The following CCPG1 variants were observed in gnomAD, a reference collection of about 807,000 sequenced individuals.
CCPG1 encodes the protein cell cycle progression 1, also known as cell cycle progression protein 1.
CCPG1 carries 46 observed loss-of-function variants against 81.3 expected under a neutral mutation model. That is an observed-to-expected ratio of 0.57 (90% CI 0.45 to 0.72). The LOEUF (loss-of-function observed/expected upper bound fraction) is 0.72. CCPG1 is among the 30% of genes least tolerant of loss of function. The pLI is 0.00. For missense variants in CCPG1, 902 were observed against 937.6 expected (o/e 0.96, Z 0.50); for synonymous variants, 330 against 305.2 (o/e 1.08, Z -0.85).
intron 5 of CCPG1, chr15:55,374,030 G>T: frequency 2.6e-6 from 1 of 381,666 alleles, no homozygotes; most frequent in Non-Finnish European, 4.6e-6. Flanking sequence ...TCCTTTACAA[G>T]AGATTCTGAA....
At chr15:55,394,849 G>A (rs146629453) in intron 1 of CCPG1, among the ~76,000 whole-genome samples, 2 of 151,710 alleles carry the variant, frequency 1.3e-5, no homozygotes, top group African/African-American at 4.8e-5. Flanking sequence ...TGGACAATGA[G>A]AAGCCAGAGC....
intron 5 of CCPG1, 114 bp from the exon 6 acceptor site, chr15:55,372,158 C>A (rs2056463086): frequency 1.2e-5 from 12 of 1,011,122 alleles, no homozygotes; most frequent in Non-Finnish European, 1.7e-5. Context: ...CATAAGATAG[C>A]CAAAAACAAA....
At chr15:55,385,268 C>T (rs1334303001) in intron 3 of CCPG1, among the ~76,000 whole-genome samples, 1 of 152,146 alleles carries the variant, frequency 6.6e-6, no homozygotes, top group Admixed American at 6.6e-5. Flanking sequence ...CAGGTTCAAG[C>T]GATTCTCCTG....
rs370770120 is a variant in CCPG1 at position 55,365,352 on chromosome 15, A to G, written c.707-43T>C. The G allele has an allele frequency of 8.7e-6, 10 of 1,150,016 alleles. 1 individual carries two copies. Among genetic ancestry groups the G allele is most frequent in the Non-Finnish European group, 1.3e-5 (10 of 788,862 alleles). The allele number at this position is 1,150,016 out of a possible 1,614,324, so 71.2% of individuals were successfully genotyped here. On this transcript the variant is annotated intron_variant, in intron 6 of 8. Coordinates refer to ENST00000442196, the MANE Select transcript of CCPG1 (RefSeq NM_001204450.2). ...ATTAAAGGTATGTAACAAAAATATT[A>G]TCATTAAATGTTTTATGTATTTTTT...
chr15:55,404,281 A>G (rs1397907497), intron 1 of CCPG1, among the ~76,000 whole-genome samples: 2 of 152,196 alleles, frequency 1.3e-5, no homozygotes, highest in Non-Finnish European at 2.9e-5. Context: ...TATTTTATCC[A>G]GTGTTAATGG....
At position 55,355,815 on chromosome 15, in the gene CCPG1, G is replaced by C. The variant is rs1439967940; in HGVS notation, c.*405C>G. The stretch of plus-strand genomic sequence containing the variant: ...TGTAAGATTATAAAATGTTAATGAT[G>C]AAATTCCAGAACAATGTACTTTTCT... On this transcript the variant is annotated 3_prime_UTR_variant, in exon 9 of 9. Transcript: ENST00000442196. 4.5e-6 allele frequency: 1 copy of C among 222,472 alleles called. No individual in the cohort carries two copies. The highest frequency in any genetic ancestry group is 8.7e-6 in the Non-Finnish European group (1 of 115,230). 13.8% of individuals were successfully genotyped at this position (222,472 alleles called of 1,614,324 possible). A position where few individuals can be genotyped will look rare whatever the true frequency, so the allele number is the denominator to read the frequency against.
intron 1 of CCPG1, among the ~76,000 whole-genome samples, chr15:55,401,399 G>A (rs747064030): frequency 2.0e-5 from 3 of 152,190 alleles, no homozygotes; most frequent in African/African-American, 4.8e-5. Context: ...GGGCGCAGTG[G>A]CTCATGCCTA....
At chr15:55,374,022 CT>C in intron 5 of CCPG1, 1 of 366,294 alleles carries the variant, frequency 2.7e-6, no homozygotes, top group Non-Finnish European at 4.9e-6. Context: ...TGGCCAGCTC[CT>C]TTACAAGAGA....
At chr15:55,396,658 G>A (rs1202133011) in intron 1 of CCPG1, among the ~76,000 whole-genome samples, 1 of 152,164 alleles carries the variant, frequency 6.6e-6, no homozygotes, top group Admixed American at 6.6e-5. Context: ...TAAAATATTT[G>A]AGGAGATTTA....
intron 3 of CCPG1, among the ~76,000 whole-genome samples, chr15:55,381,241 G>A (rs1374581209): frequency 6.6e-6 from 1 of 151,414 alleles, no homozygotes; most frequent in African/African-American, 2.4e-5. Flanking sequence ...CGAGACCAGA[G>A]TGGCCAACAT....
chr15:55,362,122 C>T (rs987950640), intron 7 of CCPG1, among the ~76,000 whole-genome samples: 2 of 152,148 alleles, frequency 1.3e-5, no homozygotes, highest in African/African-American at 2.4e-5. Context: ...TTCTTTTACA[C>T]ATATGCATTA....
chr15:55,376,871 T>G, intron 5 of CCPG1, 78 bp downstream of exon 5: 1 of 1,032,662 alleles, frequency 9.7e-7, no homozygotes, highest in Non-Finnish European at 1.4e-6. Flanking sequence ...AGAGACTAAA[T>G]TATTAGGGGT....
intron 7 of CCPG1, among the ~76,000 whole-genome samples, chr15:55,363,097 C>G (rs2141248184): frequency 1.3e-5 from 2 of 151,944 alleles, no homozygotes; most frequent in Middle Eastern, 6.8e-3. Context: ...CCTGTAATCC[C>G]AGCACTTTGG....
At chr15:55,372,585 G>T (rs369215018) in intron 5 of CCPG1, 39 of 195,978 alleles carry the variant, frequency 2.0e-4, no homozygotes, top group East Asian at 1.9e-3. Flanking sequence ...CTTGAACCTG[G>T]GAGGTGGAGG....
intron 1 of CCPG1, among the ~76,000 whole-genome samples, chr15:55,395,262 T>A (rs2056994017): frequency 1.3e-5 from 2 of 151,364 alleles, no homozygotes; most frequent in Non-Finnish European, 2.9e-5. Flanking sequence ...ATTCAACTGT[T>A]CTCAAAATGT....
intron 1 of CCPG1, among the ~76,000 whole-genome samples, chr15:55,405,611 G>A (rs140371235): frequency 1.5e-4 from 23 of 152,294 alleles, no homozygotes; most frequent in Non-Finnish European, 2.8e-4. Context: ...GTGGGAGGCT[G>A]TGTTGGGATC....
intron 8 of CCPG1, chr15:55,358,619 C>T (rs952776793): frequency 1.0e-6 from 1 of 985,388 alleles, no homozygotes; most frequent in Non-Finnish European, 1.2e-6. Context: ...ACTTTAAAAA[C>T]TAAGTTCAGT....
At chr15:55,385,807 T>A in intron 2 of CCPG1, 93 bp from the exon 3 acceptor site, 1 of 721,302 alleles carries the variant, frequency 1.4e-6, no homozygotes, top group Non-Finnish European at 2.5e-6. Context: ...TTATTAAAAG[T>A]CTCAGATGCT....
chr15:55,383,110 G>C (rs1242255280), intron 3 of CCPG1, among the ~76,000 whole-genome samples: 1 of 152,170 alleles, frequency 6.6e-6, no homozygotes, highest in Non-Finnish European at 1.5e-5. Flanking sequence ...CAACCTGAAA[G>C]TCAAAACTAC....
Sources: allele counts gnomAD v4.1 joint callset (sites outside exome capture counted in the v4.1 genomes callset), GRCh38; gene constraint gnomAD v4.1.1; transcripts MANE v1.5; gene names NCBI Gene and HGNC (gene_info 2026-07-23, HGNC 2026-07-21).